The following TENM3 variants were observed in gnomAD, a reference collection of about 807,000 sequenced individuals.
TENM3 encodes teneurin transmembrane protein 3.
Under a neutral mutation model 255.1 loss-of-function variants are expected in TENM3, and 63 were observed. That is an observed-to-expected ratio of 0.25 (90% CI 0.20 to 0.30). The LOEUF is 0.30. Ranked by LOEUF, TENM3 falls within the 10% of genes least tolerant of loss-of-function variation. The probability of loss-of-function intolerance (pLI) is 1.00; values close to 1 mark genes in which losing one functional copy is unlikely to be tolerated. For missense variants in TENM3, 2,929 were observed against 3,461.1 expected (o/e 0.85, Z 3.86); for synonymous variants, 1,306 against 1,322.3 (o/e 0.99, Z 0.27).
At position 182,793,422 on chromosome 4, in the gene TENM3, T is replaced by C. The variant is rs1766256002; in HGVS notation, c.6750T>C (p.Tyr2250=). The C allele has an allele frequency of 6.2e-7, 1 of 1,613,892 alleles. No individual in the cohort carries two copies. ...TSLGQHLQFF[Y]ADLTYPTRIT... ...TAGGACAGCACCTGCAGTTTTTTTA[T>C]GCTGACTTAACTTATCCCACTAGGA... The change falls in exon 26 of 28, where the codon TAT becomes TAC. Residue 2250 remains tyrosine (Y), a synonymous_variant. Coordinates refer to ENST00000511685, the MANE Select transcript of TENM3 (RefSeq NM_001080477.4). The surrounding 1 kb of genome is among the most constrained non-coding windows in gnomAD (Gnocchi z 5.7).
At chr4:182,725,009 T>C (rs1409748105) in intron 13 of TENM3, among the ~76,000 whole-genome samples, 1 of 151,808 alleles carries the variant, frequency 6.6e-6, no homozygotes, top group African/African-American at 2.4e-5. Context: ...TGAATTGGGA[T>C]GGAAAGGTTG....
chr4:181,598,599 G>T, the TENM3 span, among the ~76,000 whole-genome samples: 2 of 151,162 alleles, frequency 1.3e-5, no homozygotes, highest in Non-Finnish European at 2.9e-5. Flanking sequence ...CTGAGGCAAA[G>T]AATTTTAGAT....
At chr4:182,127,344 C>A in the TENM3 span, among the ~76,000 whole-genome samples, 18 of 152,262 alleles carry the variant, frequency 1.2e-4, 1 homozygote, top group Admixed American at 3.9e-4. Flanking sequence ...TCCTAGGTAA[C>A]TTGGCAAGGT....
chr4:181,870,544 A>G, the TENM3 span, among the ~76,000 whole-genome samples: 1 of 152,104 alleles, frequency 6.6e-6, no homozygotes, highest in Non-Finnish European at 1.5e-5. Context: ...CTAATGATGC[A>G]TATTTTCATG....
At chr4:181,975,160 C>G in the TENM3 span, 3 of 92,474 alleles carry the variant, frequency 3.2e-5, no homozygotes, top group Admixed American at 4.1e-4. Context: ...TTTTTTGAAA[C>G]AGGGTCTCAC....
chr4:181,665,561 G>A, the TENM3 span, among the ~76,000 whole-genome samples: 160 of 151,176 alleles, frequency 1.1e-3, no homozygotes, highest in Non-Finnish European at 1.5e-3. Flanking sequence ...TCATACATAC[G>A]GTGTGTGTAT....
intron 1 of TENM3, among the ~76,000 whole-genome samples, chr4:182,171,405 G>A (rs11940801): frequency 0.75 from 114,468 of 151,998 alleles, 43,441 homozygotes; most frequent in Non-Finnish European, 0.8. Flanking sequence ...TGTATGAGCC[G>A]AGTGTTGTCT....
At chr4:182,794,975 A>C (rs1242178013) in intron 26 of TENM3, among the ~76,000 whole-genome samples, 2 of 150,812 alleles carry the variant, frequency 1.3e-5, no homozygotes, top group Non-Finnish European at 3.0e-5. Flanking sequence ...GATTTAAGGT[A>C]TTTTGGTTTT....
chr4:181,639,612 C>T, the TENM3 span, among the ~76,000 whole-genome samples: 1 of 152,208 alleles, frequency 6.6e-6, no homozygotes, highest in African/African-American at 2.4e-5. Context: ...TGGTGGCAGG[C>T]CCCTGTGATC....
At chr4:181,683,887 A>G in the TENM3 span, among the ~76,000 whole-genome samples, 1 of 152,204 alleles carries the variant, frequency 6.6e-6, no homozygotes, top group Admixed American at 6.5e-5. Context: ...ACACAGCTTG[A>G]CTTGGTCCTC....
At chr4:182,249,901 T>C (rs1757887262) in intron 1 of TENM3, among the ~76,000 whole-genome samples, 1 of 151,396 alleles carries the variant, frequency 6.6e-6, no homozygotes, top group South Asian at 2.1e-4. Context: ...TAGCTGAGAC[T>C]ACAAGTATGC....
chr4:181,908,702 A>G, the TENM3 span, among the ~76,000 whole-genome samples: 2 of 152,302 alleles, frequency 1.3e-5, no homozygotes, highest in Non-Finnish European at 2.9e-5. Flanking sequence ...CCTGTGCATG[A>G]TATTTTAATA....
At chr4:182,432,804 G>T (rs1488787105) in intron 3 of TENM3, among the ~76,000 whole-genome samples, 1 of 135,198 alleles carries the variant, frequency 7.4e-6, no homozygotes, top group Non-Finnish European at 1.6e-5. Context: ...ATGGCACTGG[G>T]GGGTCATTTA....
chr4:182,206,266 G>A (rs1754569395), intron 1 of TENM3, among the ~76,000 whole-genome samples: 1 of 152,144 alleles, frequency 6.6e-6, no homozygotes, highest in Non-Finnish European at 1.5e-5. Context: ...GACCAGCCCT[G>A]CTCTATTGTC....
At chr4:182,284,267 T>A (rs1450335180) in intron 1 of TENM3, among the ~76,000 whole-genome samples, 1 of 152,164 alleles carries the variant, frequency 6.6e-6, no homozygotes, top group Non-Finnish European at 1.5e-5. Context: ...TCCTTTCTAC[T>A]CCAAGATTAT....
the TENM3 span, among the ~76,000 whole-genome samples, chr4:181,693,550 G>A: frequency 2.4e-4 from 37 of 152,234 alleles, 1 homozygote; most frequent in Admixed American, 1.6e-3. Flanking sequence ...GAAAAGAAGC[G>A]GCGCAGTGAA....
At chr4:181,986,051 A>G in the TENM3 span, among the ~76,000 whole-genome samples, 2 of 152,036 alleles carry the variant, frequency 1.3e-5, no homozygotes, top group Admixed American at 1.3e-4. Flanking sequence ...ACAGCATCCT[A>G]TTAGGGCTCT....
intron 20 of TENM3, 39 bp downstream of exon 20, chr4:182,752,071 A>AT (rs779244217): frequency 1.8e-4 from 188 of 1,045,488 alleles, no homozygotes; most frequent in Non-Finnish European, 2.2e-4. Context: ...CTTTTTATTT[A>AT]TTAAAAAAAA....
the TENM3 span, among the ~76,000 whole-genome samples, chr4:181,731,621 A>C: frequency 6.6e-6 from 1 of 152,270 alleles, no homozygotes; most frequent in East Asian, 1.9e-4. Flanking sequence ...CCAATCAACA[A>C]GTATTTATTA....
Sources: gnomAD v4.1 joint callset for allele counts (sites outside exome capture counted in the v4.1 genomes callset) on GRCh38, gnomAD v4.1.1 for gene constraint, Gnocchi (gnomAD v3.1) non-coding constraint, MANE v1.5 for transcripts, NCBI Gene and HGNC (gene_info 2026-07-23, HGNC 2026-07-21) for gene names.